Variants in LYPLAL1 observed in about 807,000 individuals in gnomAD.
The protein encoded by LYPLAL1 is lysophospholipase-like protein 1.
Under a neutral mutation model 19.7 loss-of-function variants are expected in LYPLAL1, and 23 were observed. The observed-to-expected ratio is 1.17, with a 90% CI of 0.84 to 1.65. The LOEUF (loss-of-function observed/expected upper bound fraction) is 1.65. Ranked by LOEUF, LYPLAL1 falls within the 40% of genes most tolerant of loss-of-function variation. LYPLAL1 has a pLI of 0.00. For synonymous variants in LYPLAL1, 119 were observed against 96.3 expected, an observed-to-expected ratio of 1.24 and a Z score of -1.38; for missense variants, 355 against 279.4, an observed-to-expected ratio of 1.27 and a Z score of -1.93.
At chr1:219,347,982 A>G in the LYPLAL1 span, among the ~76,000 whole-genome samples, 1 of 152,200 alleles carries the variant, frequency 6.6e-6, no homozygotes, top group East Asian at 1.9e-4. Flanking sequence ...AAAAAATAAA[A>G]TAAGAAATCT....
At chr1:219,222,314 T>G in the LYPLAL1 span, 1 of 152,084 alleles carries the variant, frequency 6.6e-6, no homozygotes, top group Non-Finnish European at 1.5e-5. Context: ...TTTCTCACAC[T>G]TCAGGGCATC....
At chr1:219,415,294 T>C in the LYPLAL1 span, among the ~76,000 whole-genome samples, 1 of 152,216 alleles carries the variant, frequency 6.6e-6, no homozygotes, top group African/African-American at 2.4e-5. Flanking sequence ...GGGGTGACTG[T>C]AGAGCAGGTT....
chr1:219,430,530 T>C, the LYPLAL1 span, among the ~76,000 whole-genome samples: 4 of 152,202 alleles, frequency 2.6e-5, no homozygotes, highest in Non-Finnish European at 5.9e-5. Flanking sequence ...CAGTAAATGT[T>C]TGTGGGATGA....
chr1:219,264,251 A>G, the LYPLAL1 span, among the ~76,000 whole-genome samples: 1 of 152,210 alleles, frequency 6.6e-6, no homozygotes, highest in Non-Finnish European at 1.5e-5. Flanking sequence ...AGAAAGAAAG[A>G]AAAATTAAAT....
chr1:219,416,447 T>C, the LYPLAL1 span, among the ~76,000 whole-genome samples: 3 of 152,194 alleles, frequency 2.0e-5, no homozygotes, highest in East Asian at 5.8e-4. Context: ...TAGTAAAGAA[T>C]TCAAGAGTGA....
the LYPLAL1 span, among the ~76,000 whole-genome samples, chr1:219,224,503 A>G: frequency 1.3e-5 from 2 of 152,292 alleles, no homozygotes; most frequent in East Asian, 3.9e-4. Flanking sequence ...CATTTTATAC[A>G]TATGGAAACA....
At chr1:219,442,948 A>G in the LYPLAL1 span, among the ~76,000 whole-genome samples, 1 of 152,142 alleles carries the variant, frequency 6.6e-6, no homozygotes, top group East Asian at 1.9e-4. Context: ...TTCTTTCTTC[A>G]GTCAAGTATT....
the LYPLAL1 span, among the ~76,000 whole-genome samples, chr1:219,393,303 C>G: frequency 6.6e-6 from 1 of 152,320 alleles, no homozygotes. Flanking sequence ...TGGCCCAGCT[C>G]TATCTGCTGG....
the LYPLAL1 span, among the ~76,000 whole-genome samples, chr1:219,443,499 A>G: frequency 6.6e-6 from 1 of 152,170 alleles, no homozygotes; most frequent in Non-Finnish European, 1.5e-5. Context: ...ATCTCATTTG[A>G]TAATATAAGA....
the LYPLAL1 span, among the ~76,000 whole-genome samples, chr1:219,239,623 C>T: frequency 6.6e-6 from 1 of 152,112 alleles, no homozygotes; most frequent in African/African-American, 2.4e-5. Context: ...ATCTAAAGCT[C>T]AAAGTGAGAT....
At chr1:219,279,490 A>G in the LYPLAL1 span, among the ~76,000 whole-genome samples, 1 of 152,224 alleles carries the variant, frequency 6.6e-6, no homozygotes, top group Non-Finnish European at 1.5e-5. Context: ...TTTCAGCATG[A>G]AAGACATTTG....
the LYPLAL1 span, among the ~76,000 whole-genome samples, chr1:219,313,856 A>C: frequency 0.41 from 62,299 of 152,006 alleles, 13,457 homozygotes; most frequent in Non-Finnish European, 0.48. Flanking sequence ...TTTTAGGTTC[A>C]TGTGCAAGTC....
chr1:219,262,186 A>G, the LYPLAL1 span, among the ~76,000 whole-genome samples: 1 of 152,014 alleles, frequency 6.6e-6, no homozygotes, highest in South Asian at 2.1e-4. Context: ...TGTGTCTTTC[A>G]TTTCCAGAAG....
the LYPLAL1 span, among the ~76,000 whole-genome samples, chr1:219,380,275 G>C: frequency 6.6e-6 from 1 of 152,210 alleles, no homozygotes; most frequent in Non-Finnish European, 1.5e-5. Flanking sequence ...AGTCGTCAGG[G>C]AGAATCTTCA....
At chr1:219,380,023 G>T in the LYPLAL1 span, among the ~76,000 whole-genome samples, 1 of 152,206 alleles carries the variant, frequency 6.6e-6, no homozygotes, top group African/African-American at 2.4e-5. Context: ...TATGTGGATG[G>T]ACACCACGAA....
chr1:219,269,086 A>G, the LYPLAL1 span, among the ~76,000 whole-genome samples: 2 of 152,218 alleles, frequency 1.3e-5, no homozygotes, highest in Non-Finnish European at 2.9e-5. Context: ...GTCTCTTCTA[A>G]AAGTTTATTG....
At chr1:219,411,364 T>C in the LYPLAL1 span, among the ~76,000 whole-genome samples, 42,759 of 151,962 alleles carry the variant, frequency 0.28, 6,640 homozygotes, top group East Asian at 0.53. Flanking sequence ...TCAGGGTTTG[T>C]GAATGCACCA....
chr1:219,440,024 C>CACATAT, the LYPLAL1 span, among the ~76,000 whole-genome samples: 6 of 132,392 alleles, frequency 4.5e-5, no homozygotes, highest in Admixed American at 2.4e-4. Flanking sequence ...CACACACACA[C>CACATAT]ATATATATAT....
chr1:219,406,246 T>C, the LYPLAL1 span, among the ~76,000 whole-genome samples: 2 of 152,242 alleles, frequency 1.3e-5, no homozygotes, highest in African/African-American at 4.8e-5. Context: ...CTAAATTTAA[T>C]GTGACAGTTT....
Sources: gnomAD v4.1 joint callset for allele counts (sites outside exome capture counted in the v4.1 genomes callset) on GRCh38, gnomAD v4.1.1 for gene constraint, MANE v1.5 for transcripts, NCBI Gene and HGNC (gene_info 2026-07-23, HGNC 2026-07-21) for gene names.